ROR1: variants seen among roughly 807,000 people sequenced by gnomAD.
ROR1 encodes the protein inactive tyrosine-protein kinase transmembrane receptor ROR1.
A neutral mutation model predicts 78.8 loss-of-function variants in ROR1; 19 were observed. That is an observed-to-expected ratio of 0.24 (90% CI 0.17 to 0.35). ROR1 has a LOEUF of 0.35. Ranked by LOEUF, ROR1 falls within the 10% of genes least tolerant of loss-of-function variation. The probability of loss-of-function intolerance (pLI) is 1.00; values close to 1 mark genes in which losing one functional copy is unlikely to be tolerated. For missense variants in ROR1, 917 were observed against 1,177.8 expected, an observed-to-expected ratio of 0.78 and a Z score of 3.24; for synonymous variants, 386 against 433.6, an observed-to-expected ratio of 0.89 and a Z score of 1.36.
chr1:64,101,421 C>G (rs1317365968), intron 4 of ROR1, among the ~76,000 whole-genome samples: 1 of 152,116 alleles, frequency 6.6e-6, no homozygotes, highest in Admixed American at 6.6e-5. Flanking sequence ...GAGGGATTAA[C>G]TAATGCACTA....
chr1:63,813,517 T>C (rs1373735313), intron 1 of ROR1, among the ~76,000 whole-genome samples: 1 of 152,220 alleles, frequency 6.6e-6, no homozygotes, highest in Non-Finnish European at 1.5e-5. Context: ...AGAAGAGCAC[T>C]GGTACCCTGC....
At chr1:63,952,993 A>T (rs1645952939) in intron 1 of ROR1, among the ~76,000 whole-genome samples, 1 of 152,170 alleles carries the variant, frequency 6.6e-6, no homozygotes, top group African/African-American at 2.4e-5. Flanking sequence ...ATGGGGATCA[A>T]TGAAAATTAT....
At chr1:64,056,399 G>A (rs1053364674) in intron 4 of ROR1, among the ~76,000 whole-genome samples, 3 of 151,594 alleles carry the variant, frequency 2.0e-5, no homozygotes, top group African/African-American at 7.3e-5. Context: ...AGCCAGCCGG[G>A]CGCAGTGGTT....
chr1:64,074,223 A>G (rs1445713221), intron 4 of ROR1, among the ~76,000 whole-genome samples: 1 of 152,208 alleles, frequency 6.6e-6, no homozygotes, highest in East Asian at 1.9e-4. Context: ...GTATTTGGGT[A>G]TCCAACCGTG....
intron 4 of ROR1, among the ~76,000 whole-genome samples, chr1:64,091,913 T>C (rs747212982): frequency 6.6e-5 from 10 of 152,190 alleles, no homozygotes; most frequent in African/African-American, 1.4e-4. Context: ...GATCAAGGGA[T>C]GGATGGGGCT....
intron 1 of ROR1, among the ~76,000 whole-genome samples, chr1:63,983,587 G>A (rs183712534): frequency 1.5e-4 from 23 of 152,318 alleles, no homozygotes; most frequent in African/African-American, 5.1e-4. Context: ...CATTCGGTAA[G>A]GCAGGAGTGT....
At chr1:64,045,410 A>T (rs551551162) in intron 2 of ROR1, among the ~76,000 whole-genome samples, 1 of 152,258 alleles carries the variant, frequency 6.6e-6, no homozygotes, top group Non-Finnish European at 1.5e-5. Flanking sequence ...TTTTATTAAA[A>T]TATTTATGTT....
intron 6 of ROR1, 62 bp from the exon 7 acceptor site, chr1:64,142,343 A>G: frequency 6.3e-7 from 1 of 1,595,432 alleles, no homozygotes; most frequent in Non-Finnish European, 8.5e-7. Flanking sequence ...TGCTGGCTAG[A>G]GGAGAGCTCC....
chr1:63,992,655 A>C (rs1646305480), intron 1 of ROR1, among the ~76,000 whole-genome samples: 1 of 152,180 alleles, frequency 6.6e-6, no homozygotes, highest in African/African-American at 2.4e-5. Context: ...GTTCAAGTTT[A>C]ATTTGGCATC....
At chr1:63,820,265 C>T (rs1644915850) in intron 1 of ROR1, among the ~76,000 whole-genome samples, 1 of 152,126 alleles carries the variant, frequency 6.6e-6, no homozygotes, top group African/African-American at 2.4e-5. Context: ...CTCCCTGTCC[C>T]CCTGCAAGCC....
At chr1:63,919,914 C>T (rs1028033986) in intron 1 of ROR1, among the ~76,000 whole-genome samples, 3 of 152,082 alleles carry the variant, frequency 2.0e-5, no homozygotes, top group Non-Finnish European at 4.4e-5. Flanking sequence ...TTCAACTATC[C>T]GGGAAAACTA....
Position 64,099,996 on chromosome 1 carries a change from A to G in ROR1, c.483-37373A>G, listed in dbSNP as rs199935613. On this transcript the variant is annotated intron_variant, in intron 4 of 8. Coordinates refer to ENST00000371079, the MANE Select transcript of ROR1 (RefSeq NM_005012.4). ...CTTAAACCCAGGAGGTGGAGGTTGC[A>G]GTGAGCCAAGATCACACCACTGCAG... 3.3e-5 allele frequency among the ~76,000 whole-genome samples: 5 copies of G among 152,222 alleles called. No homozygotes were observed. In the East Asian group the frequency reaches 9.6e-4, roughly 29 times the overall value.
intron 1 of ROR1, among the ~76,000 whole-genome samples, chr1:63,842,495 G>A (rs1349384305): frequency 4.6e-5 from 7 of 152,132 alleles, no homozygotes; most frequent in African/African-American, 1.7e-4. Flanking sequence ...GGGCAACAAA[G>A]ATGCTTCACC....
At chr1:64,034,461 C>T (rs187737905) in intron 2 of ROR1, among the ~76,000 whole-genome samples, 4 of 152,158 alleles carry the variant, frequency 2.6e-5, no homozygotes, top group East Asian at 1.9e-4. Flanking sequence ...AAAATATGAA[C>T]GAGGGTGTCT....
At chr1:63,981,127 C>T (rs1646207032) in intron 1 of ROR1, among the ~76,000 whole-genome samples, 1 of 152,040 alleles carries the variant, frequency 6.6e-6, no homozygotes. Context: ...GAAATCTGTC[C>T]CCACCATTTG....
intron 7 of ROR1, among the ~76,000 whole-genome samples, chr1:64,146,095 G>A (rs1454678234): frequency 6.6e-6 from 1 of 152,072 alleles, no homozygotes; most frequent in Admixed American, 6.6e-5. Context: ...CTAACTCCTG[G>A]GCCCAATAAA....
intron 1 of ROR1, among the ~76,000 whole-genome samples, chr1:63,820,737 A>G (rs1162356285): frequency 6.6e-6 from 1 of 152,190 alleles, no homozygotes; most frequent in Non-Finnish European, 1.5e-5. Context: ...GTGGTTGTGT[A>G]GTGATAGTGT....
At chr1:64,025,410 A>C (rs984847566) in intron 2 of ROR1, among the ~76,000 whole-genome samples, 1 of 152,128 alleles carries the variant, frequency 6.6e-6, no homozygotes, top group Non-Finnish European at 1.5e-5. Flanking sequence ...TCCTTAAAAA[A>C]CTAAAAATAG....
intron 4 of ROR1, among the ~76,000 whole-genome samples, chr1:64,107,392 G>A (rs1647866737): frequency 6.6e-6 from 1 of 152,160 alleles, no homozygotes; most frequent in African/African-American, 2.4e-5. Context: ...ATTATTATGA[G>A]CAATGATAGC....
Sources: allele counts gnomAD v4.1 joint callset (sites outside exome capture counted in the v4.1 genomes callset), GRCh38; gene constraint gnomAD v4.1.1; transcripts MANE v1.5; gene names NCBI Gene and HGNC (gene_info 2026-07-23, HGNC 2026-07-21).